The following GEMIN7 variants were observed in gnomAD, a reference collection of about 807,000 sequenced individuals.
GEMIN7 encodes gem nuclear organelle associated protein 7, also known as gem-associated protein 7.
In GEMIN7, 7 loss-of-function variants were observed where a neutral mutation model predicts 7.8. The observed-to-expected ratio is 0.90, with a 90% CI of 0.51 to 1.69. GEMIN7 has a LOEUF of 1.69. Among genes scored for constraint, GEMIN7 ranks in the 40% most tolerant of loss-of-function variants. The pLI, the probability that GEMIN7 is intolerant of heterozygous loss-of-function variation, is 0.00. For missense variants in GEMIN7, 159 were observed against 176.2 expected, an observed-to-expected ratio of 0.90 and a Z score of 0.55; for synonymous variants, 68 against 72.4, an observed-to-expected ratio of 0.94 and a Z score of 0.31.
intron 2 of GEMIN7, among the ~76,000 whole-genome samples, chr19:45,086,998 C>T (rs1300257047): frequency 1.3e-5 from 2 of 152,086 alleles, no homozygotes; most frequent in Non-Finnish European, 2.9e-5. Context: ...AGGCACGTGC[C>T]ACCATGCCCA....
rs928725403 is a variant in GEMIN7 at position 45,091,492 on chromosome 19, A to T, written c.*982A>T. On this transcript the variant is annotated 3_prime_UTR_variant, in exon 3 of 3. Coordinates refer to ENST00000270257, the MANE Select transcript of GEMIN7 (RefSeq NM_024707.3). ...AGGATGTAAGCGAAGCCTTCCATTA[A>T]GTAAAGGTGAGTGTCGTTTCGTCTC... 6.0e-6 allele frequency: 1 copy of T among 166,054 alleles called. No individual in the cohort carries two copies. Among genetic ancestry groups the T allele is most frequent in the African/African-American group, 2.4e-5 (1 of 41,454 alleles). 10.3% of individuals were successfully genotyped at this position (166,054 alleles called of 1,614,324 possible).
chr19:45,081,071 G>T (rs1967488988), intron 2 of GEMIN7, among the ~76,000 whole-genome samples: 1 of 152,214 alleles, frequency 6.6e-6, no homozygotes, highest in African/African-American at 2.4e-5. Context: ...GAAGGCTGAG[G>T]TGGGAGGATA....
chr19:45,089,975 G>A, intron 2 of GEMIN7, 132 bp from the exon 3 acceptor site: 5 of 891,842 alleles, frequency 5.6e-6, no homozygotes, highest in Non-Finnish European at 7.0e-6. Context: ...ACAGATTTTA[G>A]GAGGGTGGAT....
chr19:45,075,640 C>A (rs1568426741), upstream of GEMIN7: 10 of 1,568,198 alleles, frequency 6.4e-6, no homozygotes, highest in South Asian at 1.2e-5. Flanking sequence ...GCCCTGCCGT[C>A]CAGCCCAGCC....
intron 2 of GEMIN7, among the ~76,000 whole-genome samples, chr19:45,086,211 C>T (rs1234824191): frequency 2.6e-5 from 4 of 151,476 alleles, no homozygotes; most frequent in Admixed American, 6.6e-5. Context: ...TGCAGTGAGC[C>T]GAGGTGGCAC....
chr19:45,076,262 G>A, upstream of GEMIN7: 1 of 1,498,572 alleles, frequency 6.7e-7, no homozygotes, highest in Non-Finnish European at 8.9e-7. The surrounding 1 kb of genome is among the most constrained non-coding windows in gnomAD (Gnocchi z 4.9). Context: ...TGCGCGTCTG[G>A]CTCGGGCTTG....
rs149789891 is a variant in GEMIN7, at chr19:45,090,247, C to T, written c.133C>T (p.Pro45Ser). The part of the protein sequence containing the change: ...RPEVPEIQEC[P>S]IAQESLESQE... ...AGAGGTTCCTGAAATCCAGGAGTGT[C>T]CCATAGCTCAAGAATCCCTGGAATC... The change falls in exon 3 of 3, where the codon CCC (proline) becomes TCC (serine). Residue 45 changes from proline (P) to serine (S), a missense_variant. Coordinates refer to ENST00000270257, the MANE Select transcript of GEMIN7 (RefSeq NM_024707.3). 46 of 1,614,214 alleles carry T rather than the reference C, an allele frequency of 2.8e-5. No individual in the cohort carries two copies. The African/African-American group carries it at 5.7e-4, about 20-fold the overall frequency.
chr19:45,076,398 G>C (rs1157350729), upstream of GEMIN7: 2 of 1,244,928 alleles, frequency 1.6e-6, no homozygotes, highest in Non-Finnish European at 1.0e-6. The surrounding 1 kb of genome is among the most constrained non-coding windows in gnomAD (Gnocchi z 4.9). Context: ...GCGAGCGAGC[G>C]GGCGGGCAGG....
upstream of GEMIN7, among the ~76,000 whole-genome samples, chr19:45,077,755 G>A (rs900440801): frequency 6.6e-6 from 1 of 152,050 alleles, no homozygotes; most frequent in Non-Finnish European, 1.5e-5. Flanking sequence ...TCTGTCCCCA[G>A]TTCCCTCTTG....
chr19:45,075,889 G>A, upstream of GEMIN7: 4 of 1,612,508 alleles, frequency 2.5e-6, no homozygotes, highest in South Asian at 1.1e-5. Flanking sequence ...GGTGGTGAGC[G>A]TGGGGTGGGG....
rs1967853077 is a variant in GEMIN7, at chr19:45,090,306, G to A, written c.192G>A (p.Glu64=). 6.2e-7 allele frequency: 1 copy of A among 1,614,166 alleles called. No homozygotes were observed. The highest frequency in any genetic ancestry group is 8.5e-7 in the Non-Finnish European group (1 of 1,180,032). ...AGCGGGCACGAGCCGCCCTTCGGGA[G>A]CGTTACCTCCGCAGCCTGCTGGCCA... ...QEQRARAALR[E]RYLRSLLAMV... is the part of the protein sequence containing the mutation. The change falls in exon 3 of 3, where the codon GAG becomes GAA. Residue 64 remains glutamate (E), a synonymous_variant. Coordinates refer to ENST00000270257, the MANE Select transcript of GEMIN7 (RefSeq NM_024707.3).
At chr19:45,080,110 G>A (rs547465429) in intron 2 of GEMIN7, 81 bp downstream of exon 2, 1 of 152,368 alleles carries the variant, frequency 6.6e-6, no homozygotes, top group South Asian at 2.1e-4. Flanking sequence ...AGTCGTGGGG[G>A]ATGGGCTTGG....
At chr19:45,079,126 C>A (rs927183121), upstream of GEMIN7, 10 of 152,234 alleles carry the variant, frequency 6.6e-5, no homozygotes, top group African/African-American at 2.4e-4. Flanking sequence ...GCGACCCGGG[C>A]TGTGCTGGCT....
upstream of GEMIN7, chr19:45,076,510 T>C (rs1967359360): frequency 1.7e-6 from 1 of 602,234 alleles, no homozygotes; most frequent in Non-Finnish European, 2.4e-6. The surrounding 1 kb of genome is among the most constrained non-coding windows in gnomAD (Gnocchi z 4.9). Flanking sequence ...TTACACGTGC[T>C]GGCCGGGCCC....
rs931773629 is a variant in GEMIN7, at chr19:45,090,460, G to C, written c.346G>C (p.Glu116Gln). The C allele has an allele frequency of 1.9e-6, 3 of 1,613,922 alleles. No homozygotes were observed. The highest frequency in any genetic ancestry group is 2.5e-6 in the Non-Finnish European group (3 of 1,179,962). The change falls in exon 3 of 3, where the codon GAG (glutamate) becomes CAG (glutamine). Residue 116 changes from glutamate (E) to glutamine (Q), a missense_variant. By Grantham distance (29) the Glu-to-Gln change is conservative. Transcript: ENST00000270257. ...GCAGACTCCCATAGGTGTGCAAGCAGAGGCGCTGCTCCGATGTAGTGACAT... is the reference window on the plus strand; with the variant it reads ...GCAGACTCCCATAGGTGTGCAAGCACAGGCGCTGCTCCGATGTAGTGACAT... ...QLQTPIGVQAEALLRCSDIIS... is the reference protein window; with the variant it reads ...QLQTPIGVQAQALLRCSDIIS...
At chr19:45,075,646 C>T (rs1314931553), upstream of GEMIN7, 5 of 1,582,274 alleles carry the variant, frequency 3.2e-6, no homozygotes, top group African/African-American at 1.3e-5. Context: ...CCGTCCAGCC[C>T]AGCCCCTTTC....
chr19:45,088,936 C>CTTTTTTTTTTTTTTTTT (rs368470130), intron 2 of GEMIN7, among the ~76,000 whole-genome samples: 2 of 143,202 alleles, frequency 1.4e-5, no homozygotes, highest in Non-Finnish European at 1.5e-5. Flanking sequence ...CCCATCCATG[C>CTTTTTTTTTTTTTTTTT]TTTTTTTTTT....
At position 45,090,579 on chromosome 19, in the gene GEMIN7, C is replaced by A; in HGVS notation, c.*69C>A. ...CCCAGGCCTCCCAATGTTCCCGAGC[C>A]AGGAACTCTGGGCCCCATGGAGTTA... is the stretch of plus-strand genomic sequence containing the variant. On this transcript the variant is annotated 3_prime_UTR_variant, in exon 3 of 3. Transcript: ENST00000270257. 8 of 1,479,054 alleles carry A rather than the reference C, an allele frequency of 5.4e-6. No individual in the cohort carries two copies. Among genetic ancestry groups the A allele is most frequent in the Non-Finnish European group, 7.4e-6 (8 of 1,084,334 alleles). 91.6% of individuals were successfully genotyped at this position (1,479,054 alleles called of 1,614,324 possible).
At chr19:45,087,960 T>C (rs1455961371) in intron 2 of GEMIN7, among the ~76,000 whole-genome samples, 130 of 89,326 alleles carry the variant, frequency 1.5e-3, no homozygotes, top group African/African-American at 6.6e-3. Context: ...TTTTTTTTTT[T>C]TTTGAGACAG....
Sources: gnomAD v4.1 joint callset for allele counts (sites outside exome capture counted in the v4.1 genomes callset) on GRCh38, gnomAD v4.1.1 for gene constraint, Gnocchi (gnomAD v3.1) non-coding constraint, MANE v1.5 for transcripts, NCBI Gene and HGNC (gene_info 2026-07-23, HGNC 2026-07-21) for gene names.